INPP4A: variants seen among roughly 807,000 people sequenced by gnomAD.
INPP4A encodes the protein inositol polyphosphate-4-phosphatase type I A.
A neutral mutation model predicts 119.8 loss-of-function variants in INPP4A; 33 were observed. The ratio of observed to expected loss-of-function variants is 0.28; its 90% confidence interval spans 0.21 to 0.37. The LOEUF (loss-of-function observed/expected upper bound fraction) is 0.37, where lower values mean the gene tolerates loss of function less well. Ranked by LOEUF, INPP4A falls within the 10% of genes least tolerant of loss-of-function variation. The probability of loss-of-function intolerance (pLI) is 1.00; values close to 1 mark genes in which losing one functional copy is unlikely to be tolerated. For missense variants in INPP4A, 956 were observed against 1,289.9 expected, an observed-to-expected ratio of 0.74 and a Z score of 3.97; for synonymous variants, 496 against 500.7, an observed-to-expected ratio of 0.99 and a Z score of 0.12.
At chr2:98,482,508 A>C (rs1678676481) in intron 1 of INPP4A, among the ~76,000 whole-genome samples, 1 of 152,256 alleles carries the variant, frequency 6.6e-6, no homozygotes, top group South Asian at 2.1e-4. Flanking sequence ...ACCTAGAGGC[A>C]GGTGCAACTG....
chr2:98,555,812 C>G lies in INPP4A; in HGVS notation c.1822+4C>G. On this transcript the variant is annotated splice_donor_region_variant and intron_variant, in intron 16 of 24. Coordinates refer to ENST00000409851, the MANE Select transcript of INPP4A (RefSeq NM_001134225.2). Reference sequence around the variant, plus strand: ...TGCCATCCTCATCTGACCACACGTGCGTATGCATCCATGCTTCCCATATGC... The same window carrying G: ...TGCCATCCTCATCTGACCACACGTGGGTATGCATCCATGCTTCCCATATGC... 1 of 1,549,226 alleles carries G rather than the reference C, an allele frequency of 6.5e-7. No individual in the cohort carries two copies. Among genetic ancestry groups the G allele is most frequent in the Non-Finnish European group, 8.7e-7 (1 of 1,144,118 alleles).
At chr2:98,579,293 C>T (rs186482343) in intron 24 of INPP4A, among the ~76,000 whole-genome samples, 4 of 152,270 alleles carry the variant, frequency 2.6e-5, no homozygotes, top group African/African-American at 7.2e-5. Context: ...TCAGGTGATC[C>T]GCCCACCTTG....
chr2:98,593,911 T>A lies in INPP4A; in HGVS notation c.*6303T>A, dbSNP rs948123532. ...GGTGATTTCTCCCCACAAATGAAGT[T>A]GGCCCTTTCAAAAAAACTTCCTCTC... On this transcript the variant is annotated 3_prime_UTR_variant, in exon 25 of 25. Coordinates refer to ENST00000409851, the MANE Select transcript of INPP4A (RefSeq NM_001134225.2). The A allele has an allele frequency of 6.6e-6, 1 of 150,922 alleles. No individual in the cohort carries two copies. The highest frequency in any genetic ancestry group is 1.5e-5 in the Non-Finnish European group (1 of 67,066). The allele number at this position is 150,922 out of a possible 1,614,324, so 9.3% of individuals were successfully genotyped here.
Position 98,590,511 on chromosome 2 carries a change from G to A in INPP4A, c.*2903G>A, listed in dbSNP as rs6716095. 5.5e-3 allele frequency: 1,053 copies of A among 193,202 alleles called. 18 individuals are homozygous for A. Among genetic ancestry groups the A allele is most frequent in the African/African-American group, 0.022 (971 of 43,182 alleles). The allele number at this position is 193,202 out of a possible 1,614,324, so 12.0% of individuals were successfully genotyped here. ...AGTACCTTCCTCATAAGGAACGTGC[G>A]ACGCGCCTCAGAAGTACGTGTTCAT... On this transcript the variant is annotated 3_prime_UTR_variant, in exon 25 of 25. Transcript: ENST00000409851.
At chr2:98,519,861 C>T (rs1025446175) in intron 2 of INPP4A, 85 bp from the exon 3 acceptor site, 54 of 588,954 alleles carry the variant, frequency 9.2e-5, no homozygotes, top group Middle Eastern at 6.8e-4. Context: ...ACCTCGCCCC[C>T]GGTAGGTCAC....
intron 1 of INPP4A, among the ~76,000 whole-genome samples, chr2:98,492,979 CCT>C (rs1036420087): frequency 7.2e-5 from 11 of 152,178 alleles, no homozygotes; most frequent in Admixed American, 3.9e-4. Flanking sequence ...TGTTTTCTCC[CCT>C]GATATTATGG....
intron 17 of INPP4A, among the ~76,000 whole-genome samples, chr2:98,559,816 A>G (rs933053658): frequency 1.3e-5 from 2 of 152,180 alleles, no homozygotes; most frequent in Non-Finnish European, 2.9e-5. Context: ...TCCTGGGTGC[A>G]GTTTTAGAAT....
chr2:98,471,637 G>T (rs190343896), intron 1 of INPP4A, among the ~76,000 whole-genome samples: 1 of 152,224 alleles, frequency 6.6e-6, no homozygotes, highest in Non-Finnish European at 1.5e-5. Context: ...CAAGTAGACT[G>T]TGTAGATTTG....
chr2:98,482,487 G>GAA (rs1373940140), intron 1 of INPP4A, among the ~76,000 whole-genome samples: 3 of 152,274 alleles, frequency 2.0e-5, no homozygotes, highest in Admixed American at 6.5e-5. Flanking sequence ...GCAGCCAACA[G>GAA]AAAGGTGGGC....
intron 1 of INPP4A, among the ~76,000 whole-genome samples, chr2:98,466,093 T>A (rs1312379102): frequency 6.6e-6 from 1 of 152,246 alleles, no homozygotes; most frequent in African/African-American, 2.4e-5. Context: ...TTGCCCAGGC[T>A]GGAATGCAGT....
chr2:98,520,975 T>C, intron 4 of INPP4A: 1 of 407,196 alleles, frequency 2.5e-6, no homozygotes, highest in Non-Finnish European at 4.3e-6. Context: ...CTTGGGGGTA[T>C]GCTCTCCACA....
chr2:98,459,196 G>A (rs1257205310), intron 1 of INPP4A, among the ~76,000 whole-genome samples: 1 of 152,132 alleles, frequency 6.6e-6, no homozygotes, highest in Non-Finnish European at 1.5e-5. Context: ...AGTAGACCTC[G>A]GCCAGGGGCT....
At chr2:98,577,409 C>T (rs942575924) in intron 24 of INPP4A, among the ~76,000 whole-genome samples, 2 of 152,246 alleles carry the variant, frequency 1.3e-5, no homozygotes, top group South Asian at 2.1e-4. Flanking sequence ...GGGCAAGCCA[C>T]GGGTCAGGCA....
At chr2:98,521,932 AAAAG>A (rs1687274425) in intron 4 of INPP4A, among the ~76,000 whole-genome samples, 1 of 152,118 alleles carries the variant, frequency 6.6e-6, no homozygotes, top group Non-Finnish European at 1.5e-5. Context: ...ATAATAATAA[AAAAG>A]AAACAAAAAA....
intron 1 of INPP4A, among the ~76,000 whole-genome samples, chr2:98,490,976 A>T (rs1367116611): frequency 6.6e-6 from 1 of 151,936 alleles, no homozygotes; most frequent in Non-Finnish European, 1.5e-5. Flanking sequence ...ATTTTAATTT[A>T]AAAAATTACA....
chr2:98,498,304 G>T (rs559942475), intron 1 of INPP4A, among the ~76,000 whole-genome samples: 12 of 152,078 alleles, frequency 7.9e-5, no homozygotes, highest in African/African-American at 2.7e-4. Context: ...GAGATCTGAT[G>T]GTTTGATGAA....
At chr2:98,491,953 G>C (rs954672150) in intron 1 of INPP4A, among the ~76,000 whole-genome samples, 10 of 151,918 alleles carry the variant, frequency 6.6e-5, no homozygotes, top group African/African-American at 2.4e-4. Context: ...ACAGTGGCGC[G>C]ATCTCAGCTC....
At chr2:98,454,363 A>G (rs1427321100) in intron 1 of INPP4A, among the ~76,000 whole-genome samples, 8 of 152,134 alleles carry the variant, frequency 5.3e-5, no homozygotes, top group African/African-American at 1.9e-4. Context: ...AAGCTTATGT[A>G]GTAGTGGCTT....
At chr2:98,448,987 G>A (rs1694772200) in intron 1 of INPP4A, among the ~76,000 whole-genome samples, 1 of 152,196 alleles carries the variant, frequency 6.6e-6, no homozygotes. Context: ...ACAGGCGTGA[G>A]CCACTGTGCC....
Sources: allele counts gnomAD v4.1 joint callset (sites outside exome capture counted in the v4.1 genomes callset), GRCh38; gene constraint gnomAD v4.1.1; transcripts MANE v1.5; gene names NCBI Gene and HGNC (gene_info 2026-07-23, HGNC 2026-07-21).